The following ROR1 variants were observed in gnomAD, a reference collection of about 807,000 sequenced individuals.
The protein encoded by ROR1 is inactive tyrosine-protein kinase transmembrane receptor ROR1.
In ROR1, 19 loss-of-function variants were observed where a neutral mutation model predicts 78.8. The observed-to-expected ratio is 0.24, with a 90% CI of 0.17 to 0.35. The LOEUF is 0.35. Among genes scored for constraint, ROR1 ranks in the 10% least tolerant of loss-of-function variants. ROR1 has a pLI of 1.00. For missense variants in ROR1, 917 were observed against 1,177.8 expected (o/e 0.78, Z 3.24); for synonymous variants, 386 against 433.6 (o/e 0.89, Z 1.36).
intron 1 of ROR1, among the ~76,000 whole-genome samples, chr1:63,935,708 G>A (rs897012386): frequency 1.3e-5 from 2 of 152,174 alleles, no homozygotes; most frequent in African/African-American, 4.8e-5. Flanking sequence ...ACTGCCCTGA[G>A]TGGCAGTAAT....
At chr1:64,003,378 ACTG>A (rs1646402717) in intron 1 of ROR1, among the ~76,000 whole-genome samples, 1 of 152,158 alleles carries the variant, frequency 6.6e-6, no homozygotes, top group South Asian at 2.1e-4. Context: ...AGGTAGTGTG[ACTG>A]GGTAATTGAG....
At chr1:64,073,713 T>G (rs952940872) in intron 4 of ROR1, among the ~76,000 whole-genome samples, 2 of 152,202 alleles carry the variant, frequency 1.3e-5, no homozygotes, top group Admixed American at 6.5e-5. Flanking sequence ...TGCACAATAT[T>G]AAGAAAAATC....
intron 5 of ROR1, 84 bp downstream of exon 5, chr1:64,137,580 A>G: frequency 7.2e-7 from 1 of 1,381,502 alleles, no homozygotes. Context: ...TCTCTTGACA[A>G]AGGATTAAGC....
Position 63,843,758 on chromosome 1 carries a change from C to T in ROR1, c.91+69250C>T, listed in dbSNP as rs1256207053. The stretch of plus-strand genomic sequence containing the variant: ...AGAGCACTGCAGCCGCTGCTGGGAC[C>T]CGACTGCACTCTGTTCCTTCTTTGC... On this transcript the variant is annotated intron_variant, in intron 1 of 8. Coordinates refer to ENST00000371079, the MANE Select transcript of ROR1 (RefSeq NM_005012.4). 17 of 411,052 alleles carry T rather than the reference C, an allele frequency of 4.1e-5. No homozygotes were observed. In the East Asian group the frequency reaches 1.1e-3, roughly 27 times the overall value. The allele number at this position is 411,052 out of a possible 1,614,324, so 25.5% of individuals were successfully genotyped here.
At chr1:64,095,478 T>C (rs1647274154) in intron 4 of ROR1, among the ~76,000 whole-genome samples, 1 of 152,174 alleles carries the variant, frequency 6.6e-6, no homozygotes, top group African/African-American at 2.4e-5. Flanking sequence ...GCCATGTTAA[T>C]TCCCATTTGT....
chr1:64,110,418 A>G (rs770904307), intron 4 of ROR1, among the ~76,000 whole-genome samples: 1 of 152,118 alleles, frequency 6.6e-6, no homozygotes, highest in South Asian at 2.1e-4. Context: ...TATCAGATAT[A>G]GAGCTGGGTT....
chr1:63,788,190 G>A (rs1376069602), intron 1 of ROR1, among the ~76,000 whole-genome samples: 2 of 152,226 alleles, frequency 1.3e-5, no homozygotes, highest in Non-Finnish European at 2.9e-5. Flanking sequence ...ACAAAATGAA[G>A]TGGGTGTTAT....
chr1:63,966,094 C>A (rs567939425), intron 1 of ROR1, among the ~76,000 whole-genome samples: 1 of 152,312 alleles, frequency 6.6e-6, no homozygotes, highest in East Asian at 1.9e-4. Flanking sequence ...GAACACCTGC[C>A]ACTCATGGTT....
At position 64,178,791 on chromosome 1, in the gene ROR1, C is replaced by T; in HGVS notation, c.2750C>T (p.Ala917Val). Residue 917 changes from alanine to valine, a missense_variant, in exon 9 of 9, where the codon GCA (alanine) becomes GTA (valine). Ala to Val is a moderately conservative substitution (Grantham distance 64, BLOSUM62 0). Around this residue, in one of 3 missense-constraint regions of ROR1, gnomAD observed 835 missense variants for 1,069.8 expected, o/e 0.78. Transcript: ENST00000371079. The surrounding 1 kb of genome is among the most constrained non-coding windows in gnomAD (Gnocchi z 4.3). ...QKPYKIDSKQASLLGDANIHG... is the reference protein window; with the variant it reads ...QKPYKIDSKQVSLLGDANIHG... ...CCCTACAAAATTGACTCAAAGCAAG[C>T]ATCTTTACTAGGAGACGCCAATATT... 2.5e-6 allele frequency: 4 copies of T among 1,614,120 alleles called. No individual in the cohort carries two copies. Among genetic ancestry groups the T allele is most frequent in the Non-Finnish European group, 3.4e-6 (4 of 1,180,020 alleles).
At chr1:64,165,983 G>C (rs1213827687) in intron 8 of ROR1, among the ~76,000 whole-genome samples, 1 of 152,156 alleles carries the variant, frequency 6.6e-6, no homozygotes, top group African/African-American at 2.4e-5. Context: ...TGGGATTACA[G>C]GCATGAGCCA....
intron 1 of ROR1, among the ~76,000 whole-genome samples, chr1:63,946,622 AG>A (rs1306126870): frequency 2.6e-5 from 4 of 152,238 alleles, no homozygotes; most frequent in African/African-American, 9.6e-5. Context: ...CACTATATAA[AG>A]GAAGTAACAG....
intron 1 of ROR1, among the ~76,000 whole-genome samples, chr1:63,935,257 C>T (rs778718982): frequency 3.9e-5 from 6 of 152,130 alleles, no homozygotes; most frequent in Non-Finnish European, 7.3e-5. Context: ...GCTGTATGAA[C>T]TTTATGCTTA....
intron 1 of ROR1, among the ~76,000 whole-genome samples, chr1:63,953,482 C>G (rs957715813): frequency 1.3e-5 from 2 of 152,164 alleles, no homozygotes; most frequent in African/African-American, 2.4e-5. Context: ...CATGATCCCT[C>G]TCTCTCAAAA....
intron 1 of ROR1, among the ~76,000 whole-genome samples, chr1:63,822,938 G>T (rs753701438): frequency 1.3e-4 from 20 of 152,032 alleles, no homozygotes; most frequent in Admixed American, 6.5e-5. Context: ...CTACCATAAA[G>T]GTTACAGAAA....
chr1:63,791,755 T>G (rs1002720148), intron 1 of ROR1, among the ~76,000 whole-genome samples: 1 of 152,196 alleles, frequency 6.6e-6, no homozygotes, highest in African/African-American at 2.4e-5. Flanking sequence ...ATGGGAATTA[T>G]AATCCATTCC....
At chr1:64,013,939 C>T (rs1214175075) in intron 2 of ROR1, among the ~76,000 whole-genome samples, 5 of 152,242 alleles carry the variant, frequency 3.3e-5, no homozygotes, top group East Asian at 1.9e-4. Context: ...GCCTACCAGG[C>T]GTGAGGCACC....
intron 1 of ROR1, among the ~76,000 whole-genome samples, chr1:63,897,735 T>C (rs1645451530): frequency 6.6e-6 from 1 of 152,202 alleles, no homozygotes; most frequent in Non-Finnish European, 1.5e-5. Flanking sequence ...TAATAAATAT[T>C]TATCAAATGA....
chr1:64,106,312 AT>A (rs2100664590), intron 4 of ROR1: 1 of 152,292 alleles, frequency 6.6e-6, no homozygotes, highest in Non-Finnish European at 1.5e-5. Context: ...TTGATTTTGT[AT>A]CCTGAGACTT....
intron 1 of ROR1, among the ~76,000 whole-genome samples, chr1:63,800,789 G>A (rs1228908856): frequency 6.6e-6 from 1 of 152,082 alleles, no homozygotes; most frequent in Non-Finnish European, 1.5e-5. Flanking sequence ...GAAAAATCTG[G>A]GAACTTCCTC....
Sources: allele counts gnomAD v4.1 joint callset (sites outside exome capture counted in the v4.1 genomes callset), GRCh38; gene constraint gnomAD v4.1.1; regional missense constraint gnomAD v4.1.1; non-coding constraint Gnocchi (gnomAD v3.1); transcripts MANE v1.5; gene names NCBI Gene and HGNC (gene_info 2026-07-23, HGNC 2026-07-21).